NR2F1: variants seen among roughly 807,000 people sequenced by gnomAD.
NR2F1 encodes the protein COUP transcription factor 1.
NR2F1 carries 1 observed loss-of-function variant against 37.7 expected under a neutral mutation model. The ratio of observed to expected loss-of-function variants is 0.03; its 90% CI spans 0.01 to 0.13. NR2F1 has a LOEUF of 0.13. Ranked by LOEUF, NR2F1 falls within the 10% of genes least tolerant of loss-of-function variation. The probability of loss-of-function intolerance (pLI) is 1.00; values close to 1 mark genes in which losing one functional copy is unlikely to be tolerated. For missense variants in NR2F1, 268 were observed against 578.4 expected (o/e 0.46, Z 5.50); for synonymous variants, 275 against 259.6 (o/e 1.06, Z -0.57).
Position 93,593,854 on chromosome 5 carries a change from T to C in NR2F1, c.*12T>C. On this transcript the variant is annotated 3_prime_UTR_variant, in exon 3 of 3. Transcript: ENST00000327111. The surrounding 1 kb of genome is among the most constrained non-coding windows in gnomAD (Gnocchi z 5.6). Reference sequence around the variant, plus strand: ...TCCAGTGCTCCTAGACCTTGGGCGCTTCCCACCTGCCCCGTCCCCCTAGAG... The same window carrying C: ...TCCAGTGCTCCTAGACCTTGGGCGCCTCCCACCTGCCCCGTCCCCCTAGAG... 1 of 1,611,076 alleles carries C rather than the reference T, an allele frequency of 6.2e-7. No homozygotes were observed. The highest frequency in any genetic ancestry group is 8.5e-7 in the Non-Finnish European group (1 of 1,177,800).
At position 93,593,905 on chromosome 5, in the gene NR2F1, G is replaced by A; in HGVS notation, c.*63G>A. 6.5e-7 allele frequency: 1 copy of A among 1,532,606 alleles called. No homozygotes were observed. 94.9% of individuals were successfully genotyped at this position (1,532,606 alleles called of 1,614,324 possible). A position where few individuals can be genotyped will look rare whatever the true frequency, so the allele number is the denominator to read the frequency against. On this transcript the variant is annotated 3_prime_UTR_variant, in exon 3 of 3. Transcript: ENST00000327111. This position sits in a 1 kb window ranked among gnomAD's most constrained non-coding sequence, Gnocchi z 5.6. ...ACTCAGAGGACCCACCTGGGCCAAGGACTCCAAAGCCGCGGGGACACCGGG... is the reference window on the plus strand; with the variant it reads ...ACTCAGAGGACCCACCTGGGCCAAGAACTCCAAAGCCGCGGGGACACCGGG...
At position 93,593,433 on chromosome 5, in the gene NR2F1, T is replaced by C. The variant is rs1188880320; in HGVS notation, c.992-129T>C. 1 of 991,566 alleles carries C rather than the reference T, an allele frequency of 1.0e-6. No individual in the cohort carries two copies. The highest frequency in any genetic ancestry group is 1.6e-5 in the African/African-American group (1 of 61,880). The allele number at this position is 991,566 out of a possible 1,614,324, so 61.4% of individuals were successfully genotyped here. ...TATAGGAGGGTGAATTTTTCTTTTC[T>C]CTTTTACTTCTTTTTTATTTTCCAT... On this transcript the variant is annotated intron_variant, in intron 2 of 2. Coordinates refer to ENST00000327111, the MANE Select transcript of NR2F1 (RefSeq NM_005654.6). The surrounding 1 kb of genome is among the most constrained non-coding windows in gnomAD (Gnocchi z 5.6).
Position 93,584,551 on chromosome 5 carries a change from G to A in NR2F1, c.-473G>A. ...GCGCCCCGCGCCGCTCCCGGCTGCCGCCTGTGCCATTTCTGATTTTGCAAC... is the reference window on the plus strand; with the variant it reads ...GCGCCCCGCGCCGCTCCCGGCTGCCACCTGTGCCATTTCTGATTTTGCAAC... On this transcript the variant is annotated 5_prime_UTR_variant, in exon 1 of 3. Coordinates refer to ENST00000327111, the MANE Select transcript of NR2F1 (RefSeq NM_005654.6). 6.7e-6 allele frequency: 1 copy of A among 148,340 alleles called. No individual in the cohort carries two copies. The highest frequency in any genetic ancestry group is 1.5e-5 in the Non-Finnish European group (1 of 66,680). The allele number at this position is 148,340 out of a possible 1,614,324, so 9.2% of individuals were successfully genotyped here.
intron 1 of NR2F1, chr5:93,587,149 A>G (rs1753246770): frequency 6.6e-6 from 1 of 152,158 alleles, no homozygotes; most frequent in Non-Finnish European, 1.5e-5. Context: ...AAGCTCGTGC[A>G]TTCACTGGGC....
chr5:93,593,478 G>T lies in NR2F1; in HGVS notation c.992-84G>T. 1 of 1,375,244 alleles carries T rather than the reference G, an allele frequency of 7.3e-7. No individual in the cohort carries two copies. The highest frequency in any genetic ancestry group is 9.9e-7 in the Non-Finnish European group (1 of 1,007,958). The allele number at this position is 1,375,244 out of a possible 1,614,324, so 85.2% of individuals were successfully genotyped here. Reference sequence around the variant, plus strand: ...TTCCATTTTCTCCTTAAAAAAAATTGATGGCTTATTTTGCCTTTGCTATTT... The same window carrying T: ...TTCCATTTTCTCCTTAAAAAAAATTTATGGCTTATTTTGCCTTTGCTATTT... On this transcript the variant is annotated intron_variant, in intron 2 of 2. Coordinates refer to ENST00000327111, the MANE Select transcript of NR2F1 (RefSeq NM_005654.6). This position sits in a 1 kb window ranked among gnomAD's most constrained non-coding sequence, Gnocchi z 5.6.
chr5:93,588,149 G>A lies in NR2F1; in HGVS notation c.696G>A (p.Glu232=), dbSNP rs767741067. The A allele has an allele frequency of 1.2e-6, 2 of 1,614,062 alleles. No individual in the cohort carries two copies. The highest frequency in any genetic ancestry group is 4.5e-5 in the East Asian group (2 of 44,828). The change falls in exon 2 of 3, where the codon GAG becomes GAA. Residue 232 remains glutamate, a synonymous_variant. Transcript: ENST00000327111. Reference sequence around the variant, plus strand: ...CGCGCCTGCTCTTCAGCGCCGTCGAGTGGGCCCGCAACATCCCCTTCTTCC... The same window carrying A: ...CGCGCCTGCTCTTCAGCGCCGTCGAATGGGCCCGCAACATCCCCTTCTTCC... ...LAARLLFSAV[E]WARNIPFFPD... is the part of the protein sequence containing the mutation.
At position 93,583,277 on chromosome 5, in the gene NR2F1, C is replaced by CTCTCTCTCTCTCTCTCTCTTCTTCTCT. The variant is rs1753156826; in HGVS notation, c.-1727_-1701dup. On this transcript the variant is annotated 5_prime_UTR_variant, in exon 1 of 3. Transcript: ENST00000327111. Reference sequence around the variant, plus strand: ...AAACGCATTCAATTTTTGGGTCTCTCTCTCTCTCTCTCTCTCTCTTCTTCT... The same window carrying CTCTCTCTCTCTCTCTCTCTTCTTCTCT: ...AAACGCATTCAATTTTTGGGTCTCTCTCTCTCTCTCTCTCTCTCTTCTTCTCTTCTCTCTCTCTCTCTCTCTTCTTCT... 6.6e-6 allele frequency: 1 copy of CTCTCTCTCTCTCTCTCTCTTCTTCTCT among 151,314 alleles called. No individual in the cohort carries two copies. Among genetic ancestry groups the CTCTCTCTCTCTCTCTCTCTTCTTCTCT allele is most frequent in the Non-Finnish European group, 1.5e-5 (1 of 67,746 alleles). The allele number at this position is 151,314 out of a possible 1,614,324, so 9.4% of individuals were successfully genotyped here. A position where few individuals can be genotyped will look rare whatever the true frequency, so the allele number is the denominator to read the frequency against.
chr5:93,583,271 G>GTCTCTCTC lies in NR2F1; in HGVS notation c.-1735_-1728dup, dbSNP rs140194624. ...CCGTTTAAACGCATTCAATTTTTGG[G>GTCTCTCTC]TCTCTCTCTCTCTCTCTCTCTCTCT... On this transcript the variant is annotated 5_prime_UTR_variant, in exon 1 of 3. Transcript: ENST00000327111. The GTCTCTCTC allele has an allele frequency of 4.8e-5, 7 of 145,098 alleles. No individual in the cohort carries two copies. Among genetic ancestry groups the GTCTCTCTC allele is most frequent in the Admixed American group, 1.4e-4 (2 of 14,588 alleles). 9.0% of individuals were successfully genotyped at this position (145,098 alleles called of 1,614,324 possible). A position where few individuals can be genotyped will look rare whatever the true frequency, so the allele number is the denominator to read the frequency against.
In NR2F1 at chr5:93,584,726, G is replaced by C. The variant is rs1753194530; in HGVS notation, c.-298G>C. 1 of 150,796 alleles carries C rather than the reference G, an allele frequency of 6.6e-6. No homozygotes were observed. The highest frequency in any genetic ancestry group is 6.6e-5 in the Admixed American group (1 of 15,086). The allele number at this position is 150,796 out of a possible 1,614,324, so 9.3% of individuals were successfully genotyped here. ...GGGGGGGGAGCCTGAGAGCCTGGGG[G>C]GGCTGCAAAAAGAGAGAAAGAAAAC... On this transcript the variant is annotated 5_prime_UTR_variant, in exon 1 of 3. Transcript: ENST00000327111.
In NR2F1 at chr5:93,593,494, T is replaced by C; in HGVS notation, c.992-68T>C. The C allele has an allele frequency of 6.7e-7, 1 of 1,485,110 alleles. No individual in the cohort carries two copies. The highest frequency in any genetic ancestry group is 1.3e-5 in the South Asian group (1 of 79,622). The allele number at this position is 1,485,110 out of a possible 1,614,324, so 92.0% of individuals were successfully genotyped here. On this transcript the variant is annotated intron_variant, in intron 2 of 2. Transcript: ENST00000327111. This position sits in a 1 kb window ranked among gnomAD's most constrained non-coding sequence, Gnocchi z 5.6. ...AAAAAAATTGATGGCTTATTTTGCC[T>C]TTGCTATTTGTCAGCCTAACCGTGT...
At chr5:93,588,516 C>T in intron 2 of NR2F1, 72 bp downstream of exon 2, 1 of 1,124,400 alleles carries the variant, frequency 8.9e-7, no homozygotes. Flanking sequence ...CCGGGCCTGG[C>T]CTTCGGAGCC....
rs1753175492 is a variant in NR2F1, at chr5:93,583,967, A to C, written c.-1057A>C. 6.6e-6 allele frequency: 1 copy of C among 151,990 alleles called. No homozygotes were observed. The allele number at this position is 151,990 out of a possible 1,614,324, so 9.4% of individuals were successfully genotyped here. ...GCCACCGGCACAACAAAAAGAGCAA[A>C]GTGTGTGATCTTCCTCGCCGGCTGC... On this transcript the variant is annotated 5_prime_UTR_variant, in exon 1 of 3. Coordinates refer to ENST00000327111, the MANE Select transcript of NR2F1 (RefSeq NM_005654.6).
chr5:93,586,955 C>A (rs912388564), intron 1 of NR2F1: 12 of 151,080 alleles, frequency 7.9e-5, no homozygotes, highest in Non-Finnish European at 1.3e-4. Flanking sequence ...GGGAAGAGTT[C>A]AGTAGCCCTA....
Position 93,586,438 on chromosome 5 carries a change from A to G in NR2F1, c.463+952A>G, listed in dbSNP as rs73135314. On this transcript the variant is annotated intron_variant, in intron 1 of 2. Coordinates refer to ENST00000327111, the MANE Select transcript of NR2F1 (RefSeq NM_005654.6). ...AAAAAAACACAACTTTTGATGTTGT[A>G]TTTGGATATGCTTCATGTTCATGTG... Among the ~76,000 whole-genome samples the G allele has an allele frequency of 4.5e-3, 689 of 152,206 alleles. 5 individuals carry two copies. Among genetic ancestry groups the G allele is most frequent in the African/African-American group, 0.016 (672 of 41,520 alleles).
At chr5:93,585,589 T>C in intron 1 of NR2F1, 103 bp downstream of exon 1, 2 of 925,198 alleles carry the variant, frequency 2.2e-6, no homozygotes, top group South Asian at 3.2e-5. Context: ...GGGGCTCCTG[T>C]GGTCCCGGCC....
intron 2 of NR2F1, 29 bp downstream of exon 2, chr5:93,588,473 C>A: frequency 6.8e-7 from 1 of 1,479,334 alleles, no homozygotes; most frequent in Admixed American, 2.3e-5. Context: ...GGAGGGCAGG[C>A]CGCGCCGGCA....
Position 93,587,981 on chromosome 5 carries a change from G to A in NR2F1, c.528G>A (p.Gly176=). The stretch of plus-strand genomic sequence containing the variant: ...CAGGCCAGTACGCACTCACCAACGG[G>A]GACCCCCTCAACGGCCACTGCTACC... ...PNPGQYALTN[G]DPLNGHCYLS... is the part of the protein sequence containing the mutation. Residue 176 remains glycine, a synonymous_variant, in exon 2 of 3, where the codon GGG becomes GGA. Coordinates refer to ENST00000327111, the MANE Select transcript of NR2F1 (RefSeq NM_005654.6). 1 of 1,612,978 alleles carries A rather than the reference G, an allele frequency of 6.2e-7. No homozygotes were observed. The highest frequency in any genetic ancestry group is 8.5e-7 in the Non-Finnish European group (1 of 1,179,404).
intron 2 of NR2F1, among the ~76,000 whole-genome samples, chr5:93,589,708 A>T (rs1178941394): frequency 2.0e-5 from 3 of 152,266 alleles, no homozygotes; most frequent in Admixed American, 1.3e-4. Context: ...GCAATGGTAT[A>T]ATCTATCAAT....
rs773528626 is a variant in NR2F1 at position 93,588,476 on chromosome 5, C to T, written c.991+32C>T. On this transcript the variant is annotated intron_variant, in intron 2 of 2. Transcript: ENST00000327111. ...CTGCGGTCGCGGGGAGGGCAGGCCG[C>T]GCCGGCAGCGAGCGCAGGCCCCGCG... is the stretch of plus-strand genomic sequence containing the variant. The T allele has an allele frequency of 2.1e-6, 3 of 1,462,974 alleles. No individual in the cohort carries two copies. The South Asian group carries it at 4.5e-5, about 22-fold the overall frequency. The allele number at this position is 1,462,974 out of a possible 1,614,324, so 90.6% of individuals were successfully genotyped here. A position where few individuals can be genotyped will look rare whatever the true frequency, so the allele number is the denominator to read the frequency against.
Sources: allele counts gnomAD v4.1 joint callset (sites outside exome capture counted in the v4.1 genomes callset), GRCh38; gene constraint gnomAD v4.1.1; non-coding constraint Gnocchi (gnomAD v3.1); transcripts MANE v1.5; gene names NCBI Gene and HGNC (gene_info 2026-07-23, HGNC 2026-07-21).